ZNF117: variants seen among roughly 807,000 people sequenced by gnomAD.
ZNF117 encodes the protein zinc finger protein 117.
Under a neutral mutation model 41.2 loss-of-function variants are expected in ZNF117, and 37 were observed. That is an observed-to-expected ratio of 0.90 (90% CI 0.69 to 1.18). The LOEUF is 1.18. Ranked by LOEUF, ZNF117 falls within the 50% of genes most tolerant of loss-of-function variation. ZNF117 has a pLI of 0.00. For missense variants in ZNF117, 546 were observed against 557.5 expected, an observed-to-expected ratio of 0.98 and a Z score of 0.21; for synonymous variants, 186 against 186.6, an observed-to-expected ratio of 1.00 and a Z score of 0.02.
downstream of ZNF117, chr7:64,973,271 T>C (rs1785810880): frequency 6.6e-6 from 1 of 151,998 alleles, no homozygotes; most frequent in African/African-American, 2.4e-5. Context: ...AATAAAAGAT[T>C]CTGCATGGAA....
Position 64,990,398 on chromosome 7 carries a change from G to T in ZNF117, c.-647C>A, listed in dbSNP as rs145691835. 4.4e-3 allele frequency: 815 copies of T among 184,914 alleles called. 8 individuals carry two copies. The highest frequency in any genetic ancestry group is 0.018 in the African/African-American group (746 of 41,686). 11.5% of individuals were successfully genotyped at this position (184,914 alleles called of 1,614,324 possible). A position where few individuals can be genotyped will look rare whatever the true frequency, so the allele number is the denominator to read the frequency against. On this transcript the variant is annotated 5_prime_UTR_variant, in exon 1 of 4. It adds an upstream start codon to the 5' untranslated region. Transcript: ENST00000282869. ...TTTTATTTAGGTGGCCACTGGCCCA[G>T]CGGATTAACATCCAAAGGCTGAGCC...
rs1786237666 is a variant in ZNF117, at chr7:64,990,407, C to T, written c.-656G>A. ...GGTGGCCACTGGCCCAGCGGATTAACATCCAAAGGCTGAGCCCTGAACAAA... is the reference window on the plus strand; with the variant it reads ...GGTGGCCACTGGCCCAGCGGATTAATATCCAAAGGCTGAGCCCTGAACAAA... On this transcript the variant is annotated 5_prime_UTR_variant, in exon 1 of 4. An upstream start codon of the reference 5' UTR is lost. Coordinates refer to the ZNF117 transcript ENST00000282869. 2 of 185,432 alleles carry T rather than the reference C, an allele frequency of 1.1e-5. No homozygotes were observed. Among genetic ancestry groups the T allele is most frequent in the Non-Finnish European group, 2.3e-5 (2 of 88,450 alleles). The allele number at this position is 185,432 out of a possible 1,614,324, so 11.5% of individuals were successfully genotyped here. A position where few individuals can be genotyped will look rare whatever the true frequency, so the allele number is the denominator to read the frequency against.
At chr7:64,982,263 A>C (rs141012730), upstream of ZNF117, 75 of 358,746 alleles carry the variant, frequency 2.1e-4, 1 homozygote, top group African/African-American at 1.5e-3. Flanking sequence ...CCATAAAAGA[A>C]TTTTTAACAC....
At chr7:64,980,248 A>C (rs1414965496) in intron 2 of ZNF117, 1 of 152,098 alleles carries the variant, frequency 6.6e-6, no homozygotes, top group Non-Finnish European at 1.5e-5. Flanking sequence ...ACAAAGCTAC[A>C]TTATAGACAC....
chr7:64,981,436 T>C (rs1223078098), exon 2 of ZNF117: 2 of 1,612,872 alleles, frequency 1.2e-6, no homozygotes, highest in Non-Finnish European at 8.5e-7. Flanking sequence ...AGGGCTCTTT[T>C]CCTTGCTCCA....
chr7:64,978,076 T>C lies in ZNF117; in HGVS notation c.*43A>G. On this transcript the variant is annotated 3_prime_UTR_variant, in exon 3 of 3. Coordinates refer to ENST00000620222, the Ensembl canonical transcript of ZNF117. ...CCACATTCTTCACACTTGTAAGGTT[T>C]CTCTCCAGTATGAATTTTCTTGTGT... is the stretch of plus-strand genomic sequence containing the variant. The C allele has an allele frequency of 1.9e-6, 3 of 1,580,100 alleles. No individual in the cohort carries two copies. The South Asian group carries it at 3.4e-5, about 18-fold the overall frequency.
exon 3 of ZNF117, chr7:64,979,146 T>A: frequency 6.2e-7 from 1 of 1,607,848 alleles, no homozygotes; most frequent in South Asian, 1.1e-5. Flanking sequence ...GGCTCTTCCA[T>A]ATGCTTCACA....
At position 64,974,910 on chromosome 7, in the gene ZNF117, T is replaced by C. The variant is rs1286007650; in HGVS notation, c.*3209A>G. On this transcript the variant is annotated 3_prime_UTR_variant, in exon 3 of 3. Transcript: ENST00000620222. ...TTTGCCCTGATGTGATTAATACCTA[T>C]TCATATGCCTGTATCAAAATATGCC... is the stretch of plus-strand genomic sequence containing the variant. 3 of 151,976 alleles carry C rather than the reference T, an allele frequency of 2.0e-5. No homozygotes were observed. In the East Asian group the frequency reaches 5.8e-4, roughly 29 times the overall value. 9.4% of individuals were successfully genotyped at this position (151,976 alleles called of 1,614,324 possible).
rs1490518431 is a variant in ZNF117, at chr7:64,990,247, C to T, written c.-496G>A. ...GAAAAACCACAGTGAGATACCATCT[C>T]ATCCAGTCAGAATGCCTATTGTTAA... On this transcript the variant is annotated 5_prime_UTR_variant, in exon 1 of 4. It removes an upstream start codon present in the reference 5' UTR. Coordinates refer to the ZNF117 transcript ENST00000282869. 6.6e-6 allele frequency: 1 copy of T among 152,232 alleles called. No individual in the cohort carries two copies. Among genetic ancestry groups the T allele is most frequent in the African/African-American group, 2.4e-5 (1 of 41,464 alleles). The allele number at this position is 152,232 out of a possible 1,614,324, so 9.4% of individuals were successfully genotyped here.
upstream of ZNF117, among the ~76,000 whole-genome samples, chr7:64,986,969 C>T (rs1786149821): frequency 6.6e-6 from 1 of 152,088 alleles, no homozygotes; most frequent in Non-Finnish European, 1.5e-5. Context: ...CTACAAAAGT[C>T]TCCATCTAAA....
chr7:64,985,950 CAAAAA>C (rs66524694), upstream of ZNF117, among the ~76,000 whole-genome samples: 1 of 82,174 alleles, frequency 1.2e-5, no homozygotes, highest in Non-Finnish European at 2.2e-5. Context: ...GACTCCATCT[CAAAAA>C]AAAAAAAAAA....
upstream of ZNF117, among the ~76,000 whole-genome samples, chr7:64,986,994 C>T (rs77750529): frequency 1.3e-5 from 2 of 152,124 alleles, no homozygotes; most frequent in African/African-American, 4.8e-5. Context: ...ATATAATATA[C>T]ATTCTTCTCA....
upstream of ZNF117, among the ~76,000 whole-genome samples, chr7:64,986,792 C>T (rs564094743): frequency 7.2e-5 from 11 of 152,164 alleles, no homozygotes; most frequent in Admixed American, 5.9e-4. Context: ...TTCACAGGTA[C>T]ACATGAATAA....
At chr7:64,980,422 A>T (rs928185801) in intron 2 of ZNF117, 3 of 152,038 alleles carry the variant, frequency 2.0e-5, no homozygotes, top group Non-Finnish European at 2.9e-5. Flanking sequence ...ATACTCCATG[A>T]ATGAAATAGA....
chr7:64,990,954 G>A (rs149760804), exon 1 of ZNF117: 3 of 327,072 alleles, frequency 9.2e-6, no homozygotes, highest in Admixed American at 4.5e-5. Context: ...AAGTTTAAGA[G>A]AAAGCATCAC....
chr7:64,971,917 A>G (rs1029674859), downstream of ZNF117: 2 of 152,146 alleles, frequency 1.3e-5, no homozygotes, highest in African/African-American at 4.8e-5. Context: ...AAAAAATGGG[A>G]GAAAATATTT....
chr7:64,986,604 G>A (rs114313209), upstream of ZNF117, among the ~76,000 whole-genome samples: 1,109 of 152,280 alleles, frequency 7.3e-3, 12 homozygotes, highest in African/African-American at 0.024. Flanking sequence ...TTAGGGTAAA[G>A]ATCTTGCAGC....
chr7:64,982,831 T>C (rs965308500), upstream of ZNF117, among the ~76,000 whole-genome samples: 2 of 152,170 alleles, frequency 1.3e-5, no homozygotes, highest in African/African-American at 4.8e-5. Context: ...AAAATAATTA[T>C]AGTAAAGAAA....
At chr7:64,984,545 T>C (rs149814747), upstream of ZNF117, among the ~76,000 whole-genome samples, 1 of 152,344 alleles carries the variant, frequency 6.6e-6, no homozygotes, top group East Asian at 1.9e-4. Flanking sequence ...ACCATTCCAA[T>C]TTAGTGAAAT....
Sources: allele counts gnomAD v4.1 joint callset (sites outside exome capture counted in the v4.1 genomes callset), GRCh38; gene constraint gnomAD v4.1.1; transcripts MANE v1.5; gene names NCBI Gene and HGNC (gene_info 2026-07-23, HGNC 2026-07-21).